The following FAM20A variants were observed in gnomAD, a reference collection of about 807,000 sequenced individuals.
FAM20A encodes FAM20A golgi associated secretory pathway pseudokinase.
In FAM20A, 42 loss-of-function variants were observed where a neutral mutation model predicts 52.0. The observed-to-expected ratio is 0.81, with a 90% CI of 0.63 to 1.04. The LOEUF is 1.04. Ranked by LOEUF, FAM20A falls within the 50% of genes least tolerant of loss-of-function variation. The probability of loss-of-function intolerance (pLI) is 0.00; values close to 1 mark genes in which losing one functional copy is unlikely to be tolerated. For synonymous variants in FAM20A, 304 were observed against 298.9 expected (o/e 1.02, Z -0.18); for missense variants, 742 against 712.7 (o/e 1.04, Z -0.47).
rs186231741 is a variant in FAM20A, at chr17:68,547,188, G to A, written c.720-3467C>T. Among the ~76,000 whole-genome samples the A allele has an allele frequency of 2.4e-4, 37 of 152,236 alleles. No individual in the cohort carries two copies. The East Asian group carries it at 4.4e-3, about 18-fold the overall frequency. On this transcript the variant is annotated intron_variant, in intron 4 of 10. Transcript: ENST00000592554. ...CCTGAGGATGTTTTGAATGGTAATT[G>A]AGCATTGGCTTCAACTTAAGTTCCC...
chr17:68,569,308 C>G (rs1198519304), intron 1 of FAM20A, among the ~76,000 whole-genome samples: 1 of 152,140 alleles, frequency 6.6e-6, no homozygotes, highest in Non-Finnish European at 1.5e-5. Context: ...TCTGTCCACC[C>G]CTCTTCTCTA....
intron 1 of FAM20A, among the ~76,000 whole-genome samples, chr17:68,584,579 A>G (rs541786340): frequency 6.6e-6 from 1 of 152,328 alleles, no homozygotes. Flanking sequence ...GATCATCTTC[A>G]CATCTTCAGT....
intron 4 of FAM20A, among the ~76,000 whole-genome samples, chr17:68,545,506 A>C (rs1600539283): frequency 6.6e-6 from 1 of 152,236 alleles, no homozygotes; most frequent in African/African-American, 2.4e-5. Flanking sequence ...AAAGCACTTT[A>C]TTGCTAAAAA....
intron 1 of FAM20A, among the ~76,000 whole-genome samples, chr17:68,578,145 C>A (rs1394616533): frequency 6.6e-6 from 1 of 152,082 alleles, no homozygotes; most frequent in East Asian, 1.9e-4. Flanking sequence ...CAAGACAAAG[C>A]AGGAGCTTTA....
intron 1 of FAM20A, among the ~76,000 whole-genome samples, chr17:68,573,236 A>T (rs891401419): frequency 6.6e-6 from 1 of 152,238 alleles, no homozygotes; most frequent in Non-Finnish European, 1.5e-5. Context: ...GACCTAGGGC[A>T]AGTTATCTAA....
At chr17:68,579,549 A>G (rs1020668328) in intron 1 of FAM20A, among the ~76,000 whole-genome samples, 2 of 152,204 alleles carry the variant, frequency 1.3e-5, no homozygotes, top group African/African-American at 2.4e-5. Flanking sequence ...AGCAAAATCC[A>G]TCTGAATTCA....
intron 1 of FAM20A, among the ~76,000 whole-genome samples, chr17:68,556,585 G>A (rs76198642): frequency 6.6e-6 from 1 of 151,526 alleles, no homozygotes; most frequent in Non-Finnish European, 1.5e-5. Context: ...GGGAGGGGGG[G>A]TGGTTTGGCT....
In FAM20A at chr17:68,589,807, A is replaced by C. The variant is rs144403599; in HGVS notation, c.404+10456T>G. ...AAATTGTTTAAAAAGTTAATCAATGAAAACAAGAAGGATAATACGATTATT... is the reference window on the plus strand; with the variant it reads ...AAATTGTTTAAAAAGTTAATCAATGCAAACAAGAAGGATAATACGATTATT... On this transcript the variant is annotated intron_variant, in intron 1 of 10. Coordinates refer to ENST00000592554, the MANE Select transcript of FAM20A (RefSeq NM_017565.4). Among the ~76,000 whole-genome samples the C allele has an allele frequency of 3.3e-5, 5 of 152,374 alleles. No homozygotes were observed. In the East Asian group the frequency reaches 5.8e-4, roughly 18 times the overall value.
At chr17:68,564,199 A>C (rs1326260231) in intron 1 of FAM20A, among the ~76,000 whole-genome samples, 1 of 152,142 alleles carries the variant, frequency 6.6e-6, no homozygotes, top group Non-Finnish European at 1.5e-5. Flanking sequence ...GAGAAGACTG[A>C]AGATAGGGTA....
intron 5 of FAM20A, among the ~76,000 whole-genome samples, chr17:68,543,051 A>G (rs2086380874): frequency 6.6e-6 from 1 of 152,124 alleles, no homozygotes; most frequent in Admixed American, 6.5e-5. Context: ...CTCCTGGGCA[A>G]ACCTTCCCAC....
intron 1 of FAM20A, among the ~76,000 whole-genome samples, chr17:68,592,262 C>A (rs1050190679): frequency 6.6e-6 from 1 of 152,098 alleles, no homozygotes; most frequent in African/African-American, 2.4e-5. Flanking sequence ...TAATTCTGAG[C>A]TATGAGTTAA....
rs934601029 is a variant in FAM20A at position 68,535,695 on chromosome 17, A to G, written c.*1782T>C. The G allele has an allele frequency of 9.9e-5, 44 of 446,122 alleles. No homozygotes were observed. The Admixed American group carries it at 1.1e-3, about 11-fold the overall frequency. 27.6% of individuals were successfully genotyped at this position (446,122 alleles called of 1,614,324 possible). ...TTTTTTTTTTTTTGTATTTTTTTGT[A>G]GAGACAGGGTTTTGTCATGTTACCC... On this transcript the variant is annotated 3_prime_UTR_variant, in exon 11 of 11. Coordinates refer to ENST00000592554, the MANE Select transcript of FAM20A (RefSeq NM_017565.4).
chr17:68,537,130 G>C lies in FAM20A; in HGVS notation c.*347C>G. On this transcript the variant is annotated 3_prime_UTR_variant, in exon 11 of 11. Coordinates refer to ENST00000592554, the MANE Select transcript of FAM20A (RefSeq NM_017565.4). The surrounding 1 kb of genome is among the most constrained non-coding windows in gnomAD (Gnocchi z 4.2). ...ATCCTGAGAAGTCAGGTATCCACTTGATGTCCTTTTATTTGACTTGTTACC... is the reference window on the plus strand; with the variant it reads ...ATCCTGAGAAGTCAGGTATCCACTTCATGTCCTTTTATTTGACTTGTTACC... 2.0e-6 allele frequency: 1 copy of C among 488,446 alleles called. No individual in the cohort carries two copies. Among genetic ancestry groups the C allele is most frequent in the Non-Finnish European group, 4.0e-6 (1 of 250,448 alleles). 30.3% of individuals were successfully genotyped at this position (488,446 alleles called of 1,614,324 possible).
chr17:68,535,918 G>A lies in FAM20A; in HGVS notation c.*1559C>T, dbSNP rs563867619. The A allele has an allele frequency of 2.2e-6, 1 of 454,088 alleles. No individual in the cohort carries two copies. The highest frequency in any genetic ancestry group is 2.0e-5 in the African/African-American group (1 of 50,124). The allele number at this position is 454,088 out of a possible 1,614,324, so 28.1% of individuals were successfully genotyped here. ...GAATAGGTCTAAACCACTAAATTGTGTGATTTTGCTTACTCTCTCTGAGAT... is the reference window on the plus strand; with the variant it reads ...GAATAGGTCTAAACCACTAAATTGTATGATTTTGCTTACTCTCTCTGAGAT... On this transcript the variant is annotated 3_prime_UTR_variant, in exon 11 of 11. Transcript: ENST00000592554.
rs371117964 is a variant in FAM20A, at chr17:68,586,399, C to T, written c.404+13864G>A. Among the ~76,000 whole-genome samples the T allele has an allele frequency of 3.3e-5, 5 of 152,272 alleles. No individual in the cohort carries two copies. In the East Asian group the frequency reaches 7.7e-4, roughly 23 times the overall value. On this transcript the variant is annotated intron_variant, in intron 1 of 10. Coordinates refer to ENST00000592554, the MANE Select transcript of FAM20A (RefSeq NM_017565.4). ...GTCCCCCAAAAGATAATCCCTGGAA[C>T]CTGTGAATGTGACTTTATTTGGAAG...
intron 3 of FAM20A, among the ~76,000 whole-genome samples, chr17:68,554,041 T>TATATAC (rs1380792814): frequency 9.1e-5 from 12 of 131,176 alleles, no homozygotes; most frequent in Non-Finnish European, 1.7e-4. Flanking sequence ...CACACATGCA[T>TATATAC]ATATACACAT....
chr17:68,552,697 C>T (rs1431221044), intron 3 of FAM20A, among the ~76,000 whole-genome samples: 5 of 78,834 alleles, frequency 6.3e-5, no homozygotes, highest in East Asian at 4.5e-4. Context: ...TTTTTTGAGA[C>T]GGAGTCTCGC....
chr17:68,539,766 A>T, intron 9 of FAM20A, 119 bp downstream of exon 9: 1 of 911,734 alleles, frequency 1.1e-6, no homozygotes, highest in Non-Finnish European at 1.8e-6. Context: ...CTCGAAGGAG[A>T]CAAGGCACGT....
chr17:68,544,728 C>T (rs566729566), intron 4 of FAM20A, among the ~76,000 whole-genome samples: 1 of 152,300 alleles, frequency 6.6e-6, no homozygotes, highest in South Asian at 2.1e-4. Flanking sequence ...CCTCCGTGCT[C>T]AGGCCTGGCC....
Sources: gnomAD v4.1 joint callset for allele counts (sites outside exome capture counted in the v4.1 genomes callset) on GRCh38, gnomAD v4.1.1 for gene constraint, Gnocchi (gnomAD v3.1) non-coding constraint, MANE v1.5 for transcripts, NCBI Gene and HGNC (gene_info 2026-07-23, HGNC 2026-07-21) for gene names.